Variants in RUNX1 observed in about 807,000 individuals in gnomAD.
RUNX1 encodes the protein runt-related transcription factor 1.
A neutral mutation model predicts 42.8 loss-of-function variants in RUNX1; 19 were observed. The ratio of observed to expected loss-of-function variants is 0.44; its 90% CI spans 0.31 to 0.65. RUNX1 has a LOEUF of 0.65. RUNX1 is among the 30% of genes least tolerant of loss of function. The probability of loss-of-function intolerance (pLI) is 0.07; values close to 1 mark genes in which losing one functional copy is unlikely to be tolerated. For synonymous variants in RUNX1, 271 were observed against 289.4 expected, an observed-to-expected ratio of 0.94 and a Z score of 0.64; for missense variants, 528 against 672.0, an observed-to-expected ratio of 0.79 and a Z score of 2.37.
intron 2 of RUNX1, among the ~76,000 whole-genome samples, chr21:34,896,078 G>A (rs180870806): frequency 9.6e-4 from 146 of 152,202 alleles, no homozygotes; most frequent in Middle Eastern, 3.4e-3. Flanking sequence ...CGGGTTTACA[G>A]AGAGACATCG....
chr21:35,047,715 T>C (rs55800826), intron 2 of RUNX1, among the ~76,000 whole-genome samples: 5,886 of 152,190 alleles, frequency 0.039, 163 homozygotes, highest in Non-Finnish European at 0.061. Context: ...CTTAGCTGTA[T>C]GAATAAATAA....
At chr21:34,991,557 GAT>G (rs1447007454) in intron 2 of RUNX1, among the ~76,000 whole-genome samples, 26 of 152,078 alleles carry the variant, frequency 1.7e-4, no homozygotes, top group African/African-American at 6.0e-4. Flanking sequence ...TGATGATGAT[GAT>G]GATGATGATG....
intron 5 of RUNX1, among the ~76,000 whole-genome samples, chr21:34,862,590 C>T (rs1013182374): frequency 1.2e-4 from 18 of 152,170 alleles, no homozygotes; most frequent in Admixed American, 6.5e-5. Flanking sequence ...CATTTCTTGG[C>T]GTTTCCTGAC....
At chr21:34,932,446 G>C (rs1446308815) in intron 2 of RUNX1, among the ~76,000 whole-genome samples, 1 of 152,076 alleles carries the variant, frequency 6.6e-6, no homozygotes, top group East Asian at 1.9e-4. Context: ...CTGGGTTGTG[G>C]GTTCTCCCCT....
At chr21:34,890,905 C>G (rs1036904898) in intron 3 of RUNX1, among the ~76,000 whole-genome samples, 3 of 152,116 alleles carry the variant, frequency 2.0e-5, no homozygotes, top group Non-Finnish European at 4.4e-5. Flanking sequence ...TGCATTTCCC[C>G]GAGATCCCAC....
chr21:34,853,882 G>A (rs561423703), intron 6 of RUNX1, among the ~76,000 whole-genome samples: 151 of 148,924 alleles, frequency 1.0e-3, no homozygotes, highest in Middle Eastern at 3.5e-3. Flanking sequence ...GCACCATCTC[G>A]GCTCACTGCA....
chr21:34,959,561 G>A (rs182019085), intron 2 of RUNX1, among the ~76,000 whole-genome samples: 227 of 152,240 alleles, frequency 1.5e-3, no homozygotes, highest in African/African-American at 5.3e-3. Context: ...GCCCTGAAGT[G>A]CATTAAAAAT....
intron 2 of RUNX1, among the ~76,000 whole-genome samples, chr21:34,898,274 A>G (rs1435778317): frequency 6.6e-6 from 1 of 152,182 alleles, no homozygotes. Flanking sequence ...CTAGTACAGC[A>G]CCACCAGATT....
At chr21:34,826,054 A>G (rs927131717) in intron 7 of RUNX1, among the ~76,000 whole-genome samples, 1 of 152,208 alleles carries the variant, frequency 6.6e-6, no homozygotes, top group Non-Finnish European at 1.5e-5. Flanking sequence ...TGTTGTTTTA[A>G]GCCACCAAGT....
chr21:34,987,527 G>C (rs1244931581), intron 2 of RUNX1, among the ~76,000 whole-genome samples: 1 of 152,156 alleles, frequency 6.6e-6, no homozygotes, highest in Non-Finnish European at 1.5e-5. Context: ...GAATGTCAAG[G>C]GGGAGATGAG....
intron 2 of RUNX1, among the ~76,000 whole-genome samples, chr21:34,989,965 C>T (rs1043209832): frequency 6.6e-6 from 1 of 152,306 alleles, no homozygotes; most frequent in South Asian, 2.1e-4. Context: ...CGGGAGCATG[C>T]TCACAGGGTG....
intron 5 of RUNX1, 125 bp from the exon 6 acceptor site, chr21:34,859,703 C>T (rs1309026800): frequency 1.2e-6 from 1 of 853,776 alleles, no homozygotes; most frequent in Admixed American, 1.8e-5. Flanking sequence ...TGACAACACT[C>T]CCGGAATTTT....
At chr21:34,987,988 C>A (rs2058905094) in intron 2 of RUNX1, among the ~76,000 whole-genome samples, 1 of 152,016 alleles carries the variant, frequency 6.6e-6, no homozygotes, top group Non-Finnish European at 1.5e-5. Flanking sequence ...TAGAATGAGA[C>A]AATTCATGCC....
At chr21:34,935,808 T>C (rs1355903279) in intron 2 of RUNX1, among the ~76,000 whole-genome samples, 1 of 152,268 alleles carries the variant, frequency 6.6e-6, no homozygotes, top group East Asian at 1.9e-4. Flanking sequence ...GTAAAATCTT[T>C]CCCAGGTGAG....
intron 2 of RUNX1, among the ~76,000 whole-genome samples, chr21:34,900,323 C>T (rs2058167171): frequency 6.6e-6 from 1 of 152,148 alleles, no homozygotes; most frequent in Admixed American, 6.5e-5. Flanking sequence ...TGGCTAGTGG[C>T]TACCATATTG....
chr21:34,932,260 T>G (rs557660408), intron 2 of RUNX1, among the ~76,000 whole-genome samples: 4 of 152,186 alleles, frequency 2.6e-5, no homozygotes, highest in Non-Finnish European at 4.4e-5. Flanking sequence ...GATAATAAAT[T>G]AATGAATGAA....
At chr21:34,887,593 T>G (rs2058017560) in intron 3 of RUNX1, 2 of 1,098,678 alleles carry the variant, frequency 1.8e-6, no homozygotes, top group African/African-American at 1.6e-5. Context: ...AGAACACAAT[T>G]ATCTCCCGTA....
chr21:34,990,196 C>G (rs1180599686), intron 2 of RUNX1, among the ~76,000 whole-genome samples: 3 of 152,164 alleles, frequency 2.0e-5, no homozygotes, highest in Middle Eastern at 3.2e-3. Flanking sequence ...CAGTAATCAT[C>G]AGATATTTCA....
intron 2 of RUNX1, among the ~76,000 whole-genome samples, chr21:35,047,808 C>CA: frequency 6.6e-6 from 1 of 152,344 alleles, no homozygotes; most frequent in Middle Eastern, 3.4e-3. Context: ...CACTCCATCT[C>CA]AGCTTTGCCA....
Sources: gnomAD v4.1 joint callset for allele counts (sites outside exome capture counted in the v4.1 genomes callset) on GRCh38, gnomAD v4.1.1 for gene constraint, MANE v1.5 for transcripts, NCBI Gene and HGNC (gene_info 2026-07-23, HGNC 2026-07-21) for gene names.